The following FHIT variants were observed in gnomAD, a reference collection of about 807,000 sequenced individuals.
FHIT encodes the protein bis(5'-adenosyl)-triphosphatase.
Under a neutral mutation model 17.9 loss-of-function variants are expected in FHIT, and 19 were observed. The observed-to-expected ratio is 1.06, with a 90% CI of 0.74 to 1.56. The LOEUF (loss-of-function observed/expected upper bound fraction) is 1.56. Among genes scored for constraint, FHIT ranks in the 40% most tolerant of loss-of-function variants. The pLI, the probability that FHIT is intolerant of heterozygous loss-of-function variation, is 0.00. For synonymous variants in FHIT, 81 were observed against 69.7 expected (o/e 1.16, Z -0.81); for missense variants, 248 against 189.2 (o/e 1.31, Z -1.82).
chr3:60,259,211 G>A (rs112632303), intron 5 of FHIT, among the ~76,000 whole-genome samples: 117 of 152,232 alleles, frequency 7.7e-4, no homozygotes, highest in African/African-American at 2.6e-3. Context: ...GAAGTGGGCA[G>A]AGACCTTTCC....
At chr3:59,850,916 C>A (rs1334089989) in intron 8 of FHIT, among the ~76,000 whole-genome samples, 1 of 152,188 alleles carries the variant, frequency 6.6e-6, no homozygotes, top group African/African-American at 2.4e-5. Context: ...TCTGATGTCA[C>A]CAAAGCTCCC....
rs756752927 is a variant in FHIT, at chr3:60,287,593, C to T, written c.103+249267G>A. Among the ~76,000 whole-genome samples, 79 of 152,078 alleles carry T rather than the reference C, an allele frequency of 5.2e-4. 1 individual carries two copies. The highest frequency in any genetic ancestry group is 9.8e-4 in the Admixed American group (15 of 15,264). ...ATATTAAGTGCTTAATAAATTTTAC[C>T]TGGTGTTTTTGTGATATGCTTTATT... On this transcript the variant is annotated intron_variant, in intron 5 of 9. Transcript: ENST00000492590.
At chr3:59,822,557 C>A (rs1489728666) in intron 8 of FHIT, among the ~76,000 whole-genome samples, 2 of 151,702 alleles carry the variant, frequency 1.3e-5, no homozygotes, top group Non-Finnish European at 2.9e-5. Context: ...TTAGTGATAT[C>A]GAGCATTTTT....
At chr3:61,028,283 A>G (rs1213411308) in intron 3 of FHIT, among the ~76,000 whole-genome samples, 1 of 152,262 alleles carries the variant, frequency 6.6e-6, no homozygotes, top group East Asian at 1.9e-4. Flanking sequence ...CTATGGAGAC[A>G]TACAAAGAAG....
intron 8 of FHIT, among the ~76,000 whole-genome samples, chr3:59,854,296 C>T (rs1433819379): frequency 6.6e-6 from 1 of 152,154 alleles, no homozygotes; most frequent in Non-Finnish European, 1.5e-5. Context: ...GAAGAACCCA[C>T]AGATTTATAT....
chr3:60,368,952 T>C (rs1393367573), intron 5 of FHIT, among the ~76,000 whole-genome samples: 1 of 151,946 alleles, frequency 6.6e-6, no homozygotes, highest in African/African-American at 2.4e-5. Flanking sequence ...TTCAGTATAT[T>C]TCAATCATGG....
chr3:60,352,792 G>T (rs950855902), intron 5 of FHIT, among the ~76,000 whole-genome samples: 1 of 152,088 alleles, frequency 6.6e-6, no homozygotes, highest in African/African-American at 2.4e-5. Context: ...GGGTTTACAG[G>T]CTCAATGCAC....
intron 5 of FHIT, among the ~76,000 whole-genome samples, chr3:60,434,713 G>T (rs540568954): frequency 3.7e-4 from 57 of 152,102 alleles, no homozygotes; most frequent in Admixed American, 1.9e-3. Flanking sequence ...ATACCAAAGA[G>T]ATATCAGAAT....
intron 2 of FHIT, among the ~76,000 whole-genome samples, chr3:61,188,170 T>C (rs1183530326): frequency 2.0e-5 from 3 of 151,806 alleles, no homozygotes; most frequent in African/African-American, 7.3e-5. Flanking sequence ...ATCAACAAAA[T>C]TGATAGACCG....
intron 5 of FHIT, among the ~76,000 whole-genome samples, chr3:60,174,823 C>T (rs1047092415): frequency 6.6e-6 from 1 of 152,040 alleles, no homozygotes; most frequent in Non-Finnish European, 1.5e-5. Flanking sequence ...TTCTTATTTT[C>T]TTTTTCCCCA....
At chr3:61,226,460 A>G (rs887212979) in intron 1 of FHIT, among the ~76,000 whole-genome samples, 3 of 152,156 alleles carry the variant, frequency 2.0e-5, no homozygotes, top group Non-Finnish European at 2.9e-5. Flanking sequence ...TTTCATTCAC[A>G]TAATAAGAAT....
chr3:60,038,198 T>C (rs946914014), intron 5 of FHIT, among the ~76,000 whole-genome samples: 1 of 152,234 alleles, frequency 6.6e-6, no homozygotes, highest in Non-Finnish European at 1.5e-5. Context: ...ACATAATTTA[T>C]ACTCTTACAT....
At chr3:60,080,718 G>A (rs993182952) in intron 5 of FHIT, 2 of 152,088 alleles carry the variant, frequency 1.3e-5, no homozygotes, top group African/African-American at 4.8e-5. Flanking sequence ...AACCCTGTAA[G>A]AGCATTTACA....
At chr3:60,998,296 T>G (rs1321236441) in intron 3 of FHIT, among the ~76,000 whole-genome samples, 1 of 152,192 alleles carries the variant, frequency 6.6e-6, no homozygotes, top group Non-Finnish European at 1.5e-5. Flanking sequence ...GAGCAACATT[T>G]TTTAAAGGGT....
At chr3:59,829,644 C>T (rs1701097510) in intron 8 of FHIT, among the ~76,000 whole-genome samples, 1 of 152,144 alleles carries the variant, frequency 6.6e-6, no homozygotes, top group Non-Finnish European at 1.5e-5. Context: ...TGTTCCCTTG[C>T]AGATAAGTGA....
chr3:60,504,564 A>C (rs1371736783), intron 5 of FHIT, among the ~76,000 whole-genome samples: 1 of 152,236 alleles, frequency 6.6e-6, no homozygotes, highest in Non-Finnish European at 1.5e-5. Flanking sequence ...GTAAAACGTG[A>C]ACTGCCAAAT....
At chr3:60,043,134 T>C (rs577563336) in intron 5 of FHIT, among the ~76,000 whole-genome samples, 6 of 152,328 alleles carry the variant, frequency 3.9e-5, no homozygotes, top group South Asian at 4.1e-4. Context: ...CTCCCTTGCA[T>C]TGACAGCTGG....
intron 5 of FHIT, among the ~76,000 whole-genome samples, chr3:60,441,768 A>T: frequency 2.8e-5 from 1 of 35,452 alleles, no homozygotes; most frequent in South Asian, 1.3e-3. Flanking sequence ...ATATATATAT[A>T]TTTATATGTA....
intron 3 of FHIT, among the ~76,000 whole-genome samples, chr3:60,854,180 C>G (rs575419535): frequency 6.6e-6 from 1 of 152,092 alleles, no homozygotes; most frequent in South Asian, 2.1e-4. Flanking sequence ...AGAGTAAGCT[C>G]AAAGTGTTCC....
Sources: allele counts gnomAD v4.1 joint callset (sites outside exome capture counted in the v4.1 genomes callset), GRCh38; gene constraint gnomAD v4.1.1; transcripts MANE v1.5; gene names NCBI Gene and HGNC (gene_info 2026-07-23, HGNC 2026-07-21).